The following NELL2 variants were observed in gnomAD, a reference collection of about 807,000 sequenced individuals.
NELL2 encodes the protein neural EGFL like 2.
Under a neutral mutation model 109.6 loss-of-function variants are expected in NELL2, and 41 were observed. The observed-to-expected ratio is 0.37, with a 90% CI of 0.29 to 0.49. The LOEUF is 0.49. Ranked by LOEUF, NELL2 falls within the 20% of genes least tolerant of loss-of-function variation. The pLI is 0.98. For missense variants in NELL2, 900 were observed against 1,008.3 expected, an observed-to-expected ratio of 0.89 and a Z score of 1.45; for synonymous variants, 355 against 344.7, an observed-to-expected ratio of 1.03 and a Z score of -0.33.
chr12:44,845,930 G>T (rs991101396), intron 2 of NELL2, among the ~76,000 whole-genome samples: 5 of 152,160 alleles, frequency 3.3e-5, no homozygotes, highest in Admixed American at 6.5e-5. Flanking sequence ...CATGTCAAAG[G>T]TTTAATCCTG....
At chr12:44,633,336 C>A (rs1487236533) in intron 13 of NELL2, among the ~76,000 whole-genome samples, 1 of 152,056 alleles carries the variant, frequency 6.6e-6, no homozygotes, top group Non-Finnish European at 1.5e-5. Flanking sequence ...CACAGCGTAT[C>A]AAACCATGCT....
At chr12:44,713,267 T>G (rs960773527) in intron 10 of NELL2, among the ~76,000 whole-genome samples, 4 of 147,766 alleles carry the variant, frequency 2.7e-5, no homozygotes, top group Admixed American at 2.0e-4. Context: ...GAAAGAGAAG[T>G]AGAGAAACTT....
intron 2 of NELL2, among the ~76,000 whole-genome samples, chr12:44,853,316 T>G (rs559073648): frequency 1.7e-4 from 26 of 152,334 alleles, no homozygotes; most frequent in African/African-American, 5.8e-4. Flanking sequence ...CTTTGGATTT[T>G]AAGTTTAAGG....
intron 3 of NELL2, among the ~76,000 whole-genome samples, chr12:44,815,566 T>C (rs756845355): frequency 1.1e-4 from 17 of 152,244 alleles, no homozygotes; most frequent in Non-Finnish European, 1.5e-4. Flanking sequence ...TACTTTCAAT[T>C]ACCTGTGTTT....
At chr12:44,777,817 T>C (rs1941811478) in intron 5 of NELL2, among the ~76,000 whole-genome samples, 1 of 152,296 alleles carries the variant, frequency 6.6e-6, no homozygotes, top group East Asian at 1.9e-4. Context: ...AAAAGGACAA[T>C]AGATTCATTA....
chr12:44,670,786 G>A (rs1284520288), intron 12 of NELL2, among the ~76,000 whole-genome samples: 2 of 151,970 alleles, frequency 1.3e-5, no homozygotes, highest in Non-Finnish European at 2.9e-5. Flanking sequence ...TAACACAAGA[G>A]CACCCAGTTA....
chr12:44,734,269 A>T (rs1012960630), intron 9 of NELL2, among the ~76,000 whole-genome samples: 3 of 151,786 alleles, frequency 2.0e-5, no homozygotes, highest in African/African-American at 7.3e-5. Context: ...CTTAAAATCT[A>T]CTTTGATTTT....
At chr12:44,891,366 C>A (rs1468889652) in intron 1 of NELL2, among the ~76,000 whole-genome samples, 5 of 152,214 alleles carry the variant, frequency 3.3e-5, no homozygotes, top group Non-Finnish European at 7.3e-5. Flanking sequence ...CAATCCCTAG[C>A]AGATTCACAT....
chr12:44,690,060 C>T (rs544738641), intron 12 of NELL2, among the ~76,000 whole-genome samples: 2 of 152,214 alleles, frequency 1.3e-5, no homozygotes, highest in Admixed American at 1.3e-4. Context: ...AGTCCTTCTC[C>T]CACTTTAATG....
Position 44,604,238 on chromosome 12 carries a change from G to A in NELL2, c.1663+2931C>T, listed in dbSNP as rs149525695. Among the ~76,000 whole-genome samples the A allele has an allele frequency of 1.9e-3, 282 of 151,910 alleles. 1 individual carries two copies. Among genetic ancestry groups the A allele is most frequent in the African/African-American group, 6.3e-3 (260 of 41,442 alleles). ...AGGCAGGACAGGAAAGAGAGAGAGA[G>A]GAAGAAAGGGAGGGAAGCAAGGAAA... On this transcript the variant is annotated intron_variant, in intron 15 of 19. Coordinates refer to ENST00000429094, the MANE Select transcript of NELL2 (RefSeq NM_001145108.2).
chr12:44,610,838 A>C lies in NELL2; in HGVS notation c.1567+10T>G. On this transcript the variant is annotated intron_variant, in intron 14 of 19. Transcript: ENST00000429094. ...ATAATGGAAGAGGCACTGGCATTTA[A>C]ACCTTTTACCTTTGCATGTCGTTCC... The C allele has an allele frequency of 6.2e-7, 1 of 1,612,756 alleles. No homozygotes were observed. The highest frequency in any genetic ancestry group is 8.5e-7 in the Non-Finnish European group (1 of 1,179,042).
chr12:44,781,591 C>G (rs559439585), intron 3 of NELL2, among the ~76,000 whole-genome samples: 91 of 152,152 alleles, frequency 6.0e-4, no homozygotes, highest in African/African-American at 2.0e-3. Flanking sequence ...AACTTCATAT[C>G]AAGCCATATC....
At chr12:44,754,190 A>T (rs1940778969) in intron 9 of NELL2, among the ~76,000 whole-genome samples, 1 of 152,192 alleles carries the variant, frequency 6.6e-6, no homozygotes, top group Non-Finnish European at 1.5e-5. Flanking sequence ...ATCTAACAAC[A>T]CAATTTTAAA....
At chr12:44,621,824 T>C (rs992758030) in intron 13 of NELL2, among the ~76,000 whole-genome samples, 9 of 152,146 alleles carry the variant, frequency 5.9e-5, no homozygotes, top group African/African-American at 2.2e-4. Context: ...TTTAGATCTA[T>C]AGATAAGGGA....
At chr12:44,680,224 C>T (rs1948452218) in intron 12 of NELL2, among the ~76,000 whole-genome samples, 4 of 152,082 alleles carry the variant, frequency 2.6e-5, no homozygotes, top group Admixed American at 2.6e-4. Flanking sequence ...CAGAGCCACT[C>T]CAATTTCCAA....
At chr12:44,873,272 A>C (rs770512803) in intron 2 of NELL2, among the ~76,000 whole-genome samples, 1 of 152,218 alleles carries the variant, frequency 6.6e-6, no homozygotes, top group Non-Finnish European at 1.5e-5. Flanking sequence ...TCAACAAGGA[A>C]GGAAAAACAA....
intron 2 of NELL2, among the ~76,000 whole-genome samples, chr12:44,870,868 T>C (rs1344409070): frequency 6.6e-6 from 1 of 152,180 alleles, no homozygotes; most frequent in Non-Finnish European, 1.5e-5. Flanking sequence ...TAACCTATTG[T>C]TTGGTTCCAA....
chr12:44,837,525 A>G (rs1055751509), intron 2 of NELL2, among the ~76,000 whole-genome samples: 2 of 152,182 alleles, frequency 1.3e-5, no homozygotes, highest in African/African-American at 4.8e-5. Context: ...CCTCTACACT[A>G]CAATGGCCAG....
At chr12:44,628,885 C>G (rs1384583164) in intron 13 of NELL2, among the ~76,000 whole-genome samples, 1 of 152,066 alleles carries the variant, frequency 6.6e-6, no homozygotes, top group Non-Finnish European at 1.5e-5. Flanking sequence ...CTATGTATGC[C>G]TTTGTCTATA....
Sources: gnomAD v4.1 joint callset for allele counts (sites outside exome capture counted in the v4.1 genomes callset) on GRCh38, gnomAD v4.1.1 for gene constraint, MANE v1.5 for transcripts, NCBI Gene and HGNC (gene_info 2026-07-23, HGNC 2026-07-21) for gene names.